Variants in RBPJ observed in about 807,000 individuals in gnomAD.
The protein encoded by RBPJ is recombining binding protein suppressor of hairless.
Under a neutral mutation model 67.8 loss-of-function variants are expected in RBPJ, and 9 were observed. The observed-to-expected ratio is 0.13, with a 90% CI of 0.08 to 0.23. RBPJ has a LOEUF of 0.23. Ranked by LOEUF, RBPJ falls within the 10% of genes least tolerant of loss-of-function variation. The probability of loss-of-function intolerance (pLI) is 1.00; values close to 1 mark genes in which losing one functional copy is unlikely to be tolerated. For missense variants in RBPJ, 305 were observed against 595.6 expected (o/e 0.51, Z 5.08); for synonymous variants, 198 against 203.3 (o/e 0.97, Z 0.22).
chr4:26,349,872 G>C (rs1238506737), intron 1 of RBPJ, among the ~76,000 whole-genome samples: 1 of 152,212 alleles, frequency 6.6e-6, no homozygotes, highest in Non-Finnish European at 1.5e-5. Flanking sequence ...ATGTAAGATG[G>C]AATGAATGAA....
At chr4:26,405,100 GT>G (rs2109739063) in intron 2 of RBPJ, among the ~76,000 whole-genome samples, 1 of 152,278 alleles carries the variant, frequency 6.6e-6, no homozygotes, top group South Asian at 2.1e-4. Flanking sequence ...TATAAATGCT[GT>G]TATTAGGTTA....
intron 1 of RBPJ, among the ~76,000 whole-genome samples, chr4:26,300,482 C>G (rs1022477308): frequency 3.3e-5 from 5 of 152,198 alleles, no homozygotes; most frequent in African/African-American, 1.2e-4. Flanking sequence ...TTGTTTGAAA[C>G]CTTCCTTCAT....
chr4:26,142,049 C>G, the RBPJ span, among the ~76,000 whole-genome samples: 1 of 152,248 alleles, frequency 6.6e-6, no homozygotes, highest in Non-Finnish European at 1.5e-5. Context: ...CACGATGTTC[C>G]TTGCCGTGGT....
At chr4:26,266,027 A>G (rs1448334467) in intron 1 of RBPJ, among the ~76,000 whole-genome samples, 1 of 151,896 alleles carries the variant, frequency 6.6e-6, no homozygotes, top group East Asian at 1.9e-4. Flanking sequence ...GCAAGACTGT[A>G]TCTCAAAAAA....
intron 1 of RBPJ, among the ~76,000 whole-genome samples, chr4:26,171,637 G>C (rs566427196): frequency 6.6e-6 from 1 of 152,322 alleles, no homozygotes; most frequent in Non-Finnish European, 1.5e-5. Flanking sequence ...ATTTGAACAG[G>C]CTTACGATAG....
chr4:26,300,983 T>C (rs1342144823), intron 1 of RBPJ, among the ~76,000 whole-genome samples: 2 of 152,192 alleles, frequency 1.3e-5, no homozygotes, highest in East Asian at 1.9e-4. Flanking sequence ...TGACCTGTGG[T>C]TCTAGACAGA....
chr4:26,184,193 A>AG (rs1189252724), intron 1 of RBPJ, among the ~76,000 whole-genome samples: 5 of 99,276 alleles, frequency 5.0e-5, no homozygotes, highest in African/African-American at 1.1e-4. Flanking sequence ...AAAAAAAAAA[A>AG]AAAGAAAGAA....
chr4:26,403,492 C>G (rs1382028468), intron 2 of RBPJ, among the ~76,000 whole-genome samples: 1 of 152,064 alleles, frequency 6.6e-6, no homozygotes, highest in Non-Finnish European at 1.5e-5. Context: ...AGGTATTACG[C>G]CCAGTACCCA....
At chr4:26,392,657 G>T (rs1024144110) in intron 2 of RBPJ, among the ~76,000 whole-genome samples, 1 of 152,190 alleles carries the variant, frequency 6.6e-6, no homozygotes, top group Admixed American at 6.5e-5. Flanking sequence ...GTTTCCTGGG[G>T]ATAGGGGGAG....
At chr4:26,249,371 T>C (rs1317154689) in intron 1 of RBPJ, among the ~76,000 whole-genome samples, 1 of 152,130 alleles carries the variant, frequency 6.6e-6, no homozygotes, top group Admixed American at 6.5e-5. Context: ...TATTAAGAGA[T>C]GGGGTCAGCC....
intron 1 of RBPJ, among the ~76,000 whole-genome samples, chr4:26,270,409 GA>G (rs1332540554): frequency 3.5e-5 from 2 of 57,414 alleles, no homozygotes; most frequent in Admixed American, 2.4e-4. Context: ...AAGAAAGAAA[GA>G]AAGAAAGAAA....
At chr4:26,197,593 C>T (rs1021490028) in intron 1 of RBPJ, among the ~76,000 whole-genome samples, 22 of 152,314 alleles carry the variant, frequency 1.4e-4, no homozygotes, top group African/African-American at 5.3e-4. Context: ...GGGCCTGCAG[C>T]CTCCCAGGAA....
At chr4:26,325,497 T>C (rs985811307) in intron 1 of RBPJ, among the ~76,000 whole-genome samples, 1 of 152,226 alleles carries the variant, frequency 6.6e-6, no homozygotes, top group Non-Finnish European at 1.5e-5. Flanking sequence ...TTAAAACCCC[T>C]GCCAGTTAAA....
intron 1 of RBPJ, among the ~76,000 whole-genome samples, chr4:26,230,717 A>G (rs1279817850): frequency 6.6e-6 from 1 of 152,178 alleles, no homozygotes; most frequent in Admixed American, 6.5e-5. Flanking sequence ...ATTTCCTTAC[A>G]AATCAGTTCA....
chr4:26,228,111 G>T (rs1719143341), intron 1 of RBPJ, among the ~76,000 whole-genome samples: 1 of 152,204 alleles, frequency 6.6e-6, no homozygotes, highest in Non-Finnish European at 1.5e-5. Context: ...CTTTCTTCTG[G>T]AAGGGAGGTC....
the RBPJ span, among the ~76,000 whole-genome samples, chr4:26,135,039 G>A: frequency 6.6e-6 from 1 of 152,078 alleles, no homozygotes; most frequent in Non-Finnish European, 1.5e-5. Context: ...CCCAGGGTAG[G>A]CCTTGGTCTG....
At chr4:26,235,757 C>T (rs1202571480) in intron 1 of RBPJ, among the ~76,000 whole-genome samples, 1 of 152,236 alleles carries the variant, frequency 6.6e-6, no homozygotes, top group Non-Finnish European at 1.5e-5. Flanking sequence ...GTCCTTTGCT[C>T]TCCAAGCAAA....
chr4:26,144,827 C>T, the RBPJ span, among the ~76,000 whole-genome samples: 36 of 152,090 alleles, frequency 2.4e-4, no homozygotes, highest in African/African-American at 8.4e-4. Context: ...ACTTTGATTC[C>T]GGAGCCAGTG....
the RBPJ span, among the ~76,000 whole-genome samples, chr4:26,145,996 G>A: frequency 6.6e-6 from 1 of 152,122 alleles, no homozygotes; most frequent in Non-Finnish European, 1.5e-5. Flanking sequence ...GAGTGCAATC[G>A]TATGATCATA....
Sources: allele counts gnomAD v4.1 joint callset (sites outside exome capture counted in the v4.1 genomes callset), GRCh38; gene constraint gnomAD v4.1.1; transcripts MANE v1.5; gene names NCBI Gene and HGNC (gene_info 2026-07-23, HGNC 2026-07-21).